FANCA: variants seen among roughly 807,000 people sequenced by gnomAD.
The protein encoded by FANCA is Fanconi anemia group A protein.
In FANCA, 236 loss-of-function variants were observed where a neutral mutation model predicts 194.3. The observed-to-expected ratio is 1.21, with a 90% CI of 1.09 to 1.35. The LOEUF (loss-of-function observed/expected upper bound fraction) is 1.35, where lower values mean the gene tolerates loss of function less well. Among genes scored for constraint, FANCA ranks in the 40% most tolerant of loss-of-function variants. The pLI is 0.00. For synonymous variants in FANCA, 1,014 were observed against 715.8 expected (o/e 1.42, Z -6.65); for missense variants, 2,628 against 1,813.9 (o/e 1.45, Z -8.15).
In FANCA at chr16:89,770,213, C is replaced by A. The variant is rs1247634665; in HGVS notation, c.2269G>T (p.Val757Leu). ...AGCCGGGTGAGCACTGCAGGGAGCACACGTCCACACATGGTCCTCACGAAG... is the reference window on the plus strand; with the variant it reads ...AGCCGGGTGAGCACTGCAGGGAGCAAACGTCCACACATGGTCCTCACGAAG... Reference protein sequence around the residue: ...ALFVRTMCGRVLPAVLTRLCQ... With the variant: ...ALFVRTMCGRLLPAVLTRLCQ... The change falls in exon 25 of 43, where the codon GTG becomes TTG. Residue 757 changes from valine (V) to leucine (L), a missense_variant. Coordinates refer to ENST00000389301, the MANE Select transcript of FANCA (RefSeq NM_000135.4). The A allele has an allele frequency of 6.3e-7, 1 of 1,593,288 alleles. No individual in the cohort carries two copies. The highest frequency in any genetic ancestry group is 8.5e-7 in the Non-Finnish European group (1 of 1,170,544).
At chr16:89,787,301 A>C (rs1305158640) in intron 14 of FANCA, among the ~76,000 whole-genome samples, 1 of 152,176 alleles carries the variant, frequency 6.6e-6, no homozygotes, top group African/African-American at 2.4e-5. Context: ...AGGCGGGCAG[A>C]TCACGAGTTC....
Position 89,808,581 on chromosome 16 carries a change from A to G in FANCA, c.523-214T>C, listed in dbSNP as rs34897492. Among the ~76,000 whole-genome samples the G allele has an allele frequency of 1.2e-4, 18 of 152,258 alleles. No individual in the cohort carries two copies. The East Asian group carries it at 3.3e-3, about 28-fold the overall frequency. The stretch of plus-strand genomic sequence containing the variant: ...AACTCCCTGGCCTTTGGGCACCCAC[A>G]CACCGTTGCCCAACACTTGCTTCTC... On this transcript the variant is annotated intron_variant, in intron 5 of 42. Coordinates refer to ENST00000389301, the MANE Select transcript of FANCA (RefSeq NM_000135.4).
At chr16:89,748,821 T>G (rs1292249881) in intron 32 of FANCA, 54 bp from the exon 33 acceptor site, 2 of 1,441,834 alleles carry the variant, frequency 1.4e-6, no homozygotes, top group Admixed American at 3.7e-5. Flanking sequence ...CTCTGCTCCT[T>G]CCCAAGGGCT....
rs1442489257 is a variant in FANCA, at chr16:89,795,982, T to C, written c.930A>G (p.Val310=). Residue 310 remains valine (V), a synonymous_variant, in exon 11 of 43, where the codon GTA becomes GTG. Coordinates refer to ENST00000389301, the MANE Select transcript of FANCA (RefSeq NM_000135.4). The part of the protein sequence containing the change: ...GVFSGHTLGS[V]ISTDPLKRFF... ...ACCTCTTCAGAGGATCTGTGGAAATTACACTGCCAAGCGTGTGTCCACTGA... is the reference window on the plus strand; with the variant it reads ...ACCTCTTCAGAGGATCTGTGGAAATCACACTGCCAAGCGTGTGTCCACTGA... 1.2e-6 allele frequency: 2 copies of C among 1,614,156 alleles called. No individual in the cohort carries two copies. The highest frequency in any genetic ancestry group is 1.6e-4 in the Middle Eastern group (1 of 6,062).
rs752322982 is a variant in FANCA at position 89,775,851 on chromosome 16, A to G, written c.1827-36T>C. 3.7e-6 allele frequency: 5 copies of G among 1,367,790 alleles called. No individual in the cohort carries two copies. In the East Asian group the frequency reaches 9.2e-5, roughly 25 times the overall value. 84.7% of individuals were successfully genotyped at this position (1,367,790 alleles called of 1,614,324 possible). On this transcript the variant is annotated intron_variant, in intron 20 of 42. Transcript: ENST00000389301. ...GGAAAACAATACAATTAAGTCAGCT[A>G]TGGCTTAAATTAATTCAAGATTACA...
Position 89,775,803 on chromosome 16 carries a change from G to T in FANCA, c.1839C>A (p.Ile613=), listed in dbSNP as rs1598120925. ...AGTAGGTGGAGTACAGAGATGGGGG[G>T]ATTTTATCTGCTCTGGATCACAGGA... The part of the protein sequence containing the change: ...FIESLKRADK[I]PPSLYSTYCQ... Residue 613 remains isoleucine (I), a synonymous_variant, in exon 21 of 43, where the codon ATC becomes ATA. Transcript: ENST00000389301. The T allele has an allele frequency of 1.6e-5, 25 of 1,611,266 alleles. No homozygotes were observed. The highest frequency in any genetic ancestry group is 2.1e-5 in the Non-Finnish European group (25 of 1,178,374).
Position 89,770,425 on chromosome 16 carries a change from G to T in FANCA, c.2222+139C>A, listed in dbSNP as rs1247861516. 5 of 1,022,834 alleles carry T rather than the reference G, an allele frequency of 4.9e-6. No homozygotes were observed. In the East Asian group the frequency reaches 1.3e-4, roughly 27 times the overall value. The allele number at this position is 1,022,834 out of a possible 1,614,324, so 63.4% of individuals were successfully genotyped here. ...TCTGCAGTGCTTCCCAACTTCTGCT[G>T]CGTCCTATTTGATGAAACTCAGCAT... On this transcript the variant is annotated intron_variant, in intron 24 of 42. Transcript: ENST00000389301.
intron 21 of FANCA, among the ~76,000 whole-genome samples, chr16:89,774,914 C>T (rs945026201): frequency 2.0e-5 from 3 of 151,242 alleles, no homozygotes; most frequent in African/African-American, 4.9e-5. Context: ...TCCAACATGG[C>T]GAAACCCCAT....
In FANCA at chr16:89,741,817, C is replaced by G. The variant is rs186301815; in HGVS notation, c.3766-951G>C. ...TGGGGCTGTCCCTCAGCACATGAAT[C>G]AAGGCTACTGCAGCATGAACACAGA... On this transcript the variant is annotated intron_variant, in intron 37 of 42. Transcript: ENST00000389301. Among the ~76,000 whole-genome samples, 3 of 152,292 alleles carry G rather than the reference C, an allele frequency of 2.0e-5. No homozygotes were observed. The East Asian group carries it at 5.8e-4, about 29-fold the overall frequency.
intron 30 of FANCA, among the ~76,000 whole-genome samples, chr16:89,758,355 T>C (rs957566810): frequency 8.5e-5 from 13 of 152,182 alleles, no homozygotes; most frequent in African/African-American, 2.9e-4. Flanking sequence ...TGATGGTTAA[T>C]ACTGAGTGTC....
intron 24 of FANCA, 135 bp downstream of exon 24, chr16:89,770,429 C>T (rs2039283928): frequency 1.9e-6 from 2 of 1,029,674 alleles, no homozygotes; most frequent in East Asian, 2.6e-5. Context: ...TCTGCTGCGT[C>T]CTATTTGATG....
At position 89,806,007 on chromosome 16, in the gene FANCA, A is replaced by G. The variant is rs190381805; in HGVS notation, c.597-615T>C. Among the ~76,000 whole-genome samples the G allele has an allele frequency of 2.8e-3, 422 of 152,008 alleles. 1 individual carries two copies. Among genetic ancestry groups the G allele is most frequent in the African/African-American group, 9.9e-3 (410 of 41,448 alleles). On this transcript the variant is annotated intron_variant, in intron 6 of 42. Transcript: ENST00000389301. ...AGCTCACTACAACCTCCGCCTCCCAAGTTCAAGCGATTCTCCTGCCTCAGC... is the reference window on the plus strand; with the variant it reads ...AGCTCACTACAACCTCCGCCTCCCAGGTTCAAGCGATTCTCCTGCCTCAGC...
chr16:89,794,233 C>A (rs1168789494), intron 11 of FANCA, among the ~76,000 whole-genome samples: 1 of 152,106 alleles, frequency 6.6e-6, no homozygotes. Flanking sequence ...AATGTACCAA[C>A]TGCATTTCAA....
rs2040522820 is a variant in FANCA, at chr16:89,803,324, C to T, written c.727G>A (p.Val243Ile). Residue 243 changes from valine (V) to isoleucine (I), a missense_variant, in exon 8 of 43, where the codon GTT (valine) becomes ATT (isoleucine). Coordinates refer to ENST00000389301, the MANE Select transcript of FANCA (RefSeq NM_000135.4). ...GAGTTTTTCTGAAATCCCCTCAAAA[C>T]AAACATTTGAACAAAATCTGAAAAA... Reference protein sequence around the residue: ...AMLSDFVQMFVLRGFQKNSDL... With the variant: ...AMLSDFVQMFILRGFQKNSDL... 6.2e-7 allele frequency: 1 copy of T among 1,614,034 alleles called. No individual in the cohort carries two copies. Among genetic ancestry groups the T allele is most frequent in the Non-Finnish European group, 8.5e-7 (1 of 1,179,922 alleles).
At chr16:89,816,142 A>C in intron 1 of FANCA, 156 bp from the exon 2 acceptor site, 2 of 680,044 alleles carry the variant, frequency 2.9e-6, no homozygotes, top group East Asian at 2.9e-5. Flanking sequence ...CGGGAAACTA[A>C]CGGAGACGGC....
Position 89,740,025 on chromosome 16 carries a change from G to A in FANCA, c.3903C>T (p.Ser1301=). The A allele has an allele frequency of 6.2e-7, 1 of 1,614,178 alleles. No homozygotes were observed. The highest frequency in any genetic ancestry group is 8.5e-7 in the Non-Finnish European group (1 of 1,180,018). Residue 1301 remains serine, a synonymous_variant, in exon 39 of 43, where the codon TCC becomes TCT. Transcript: ENST00000389301. The part of the protein sequence containing the change: ...ILECLEKRKI[S]WLALFQLTES... ...CTGTCAACTGAAAGAGTGCCAGCCAGGATATCTTCCTCTTCTCTAAACACT... is the reference window on the plus strand; with the variant it reads ...CTGTCAACTGAAAGAGTGCCAGCCAAGATATCTTCCTCTTCTCTAAACACT...
In FANCA at chr16:89,816,584, G is replaced by A. The variant is rs1019317682; in HGVS notation, c.32C>T (p.Ser11Leu). Reference protein sequence around the residue: MSDSWVPNSASGQDPGGRRRA... With the variant: MSDSWVPNSALGQDPGGRRRA... The stretch of plus-strand genomic sequence containing the variant: ...CCGGCGGCCCCCTGGGTCCTGGCCC[G>A]AGGCGGAGTTCGGGACCCACGAGTC... The change falls in exon 1 of 43, where the codon TCG becomes TTG. Residue 11 changes from serine to leucine, a missense_variant. Transcript: ENST00000389301. 28 of 1,525,418 alleles carry A rather than the reference G, an allele frequency of 1.8e-5. No homozygotes were observed. The highest frequency in any genetic ancestry group is 8.7e-7 in the Non-Finnish European group (1 of 1,144,582). The allele number at this position is 1,525,418 out of a possible 1,614,324, so 94.5% of individuals were successfully genotyped here.
intron 17 of FANCA, among the ~76,000 whole-genome samples, chr16:89,782,211 T>TA (rs2039739868): frequency 6.7e-6 from 1 of 148,194 alleles, no homozygotes; most frequent in Admixed American, 6.8e-5. Flanking sequence ...TCGTCTCTAC[T>TA]AAAAAAAATT....
chr16:89,795,627 G>C (rs1188857493), intron 11 of FANCA, among the ~76,000 whole-genome samples: 1 of 152,222 alleles, frequency 6.6e-6, no homozygotes, highest in African/African-American at 2.4e-5. Context: ...AAGTGAGTGA[G>C]ACTCTGACTC....
Sources: allele counts gnomAD v4.1 joint callset (sites outside exome capture counted in the v4.1 genomes callset), GRCh38; gene constraint gnomAD v4.1.1; transcripts MANE v1.5; gene names NCBI Gene and HGNC (gene_info 2026-07-23, HGNC 2026-07-21).